The following HPSE2 variants were observed in gnomAD, a reference collection of about 807,000 sequenced individuals.
HPSE2 encodes the protein inactive heparanase-2.
HPSE2 carries 38 observed loss-of-function variants against 60.5 expected under a neutral mutation model. That is an observed-to-expected ratio of 0.63 (90% confidence interval 0.48 to 0.82). The LOEUF is 0.82. Ranked by LOEUF, HPSE2 falls within the 40% of genes least tolerant of loss-of-function variation. The pLI is 0.00. For synonymous variants in HPSE2, 295 were observed against 293.2 expected (o/e 1.01, Z -0.06); for missense variants, 713 against 740.4 (o/e 0.96, Z 0.43).
At chr10:98,896,665 T>C (rs903506949) in intron 3 of HPSE2, among the ~76,000 whole-genome samples, 12 of 151,856 alleles carry the variant, frequency 7.9e-5, no homozygotes, top group African/African-American at 2.7e-4. Context: ...ATGAATGAAA[T>C]TGAAATTAAG....
At chr10:98,642,868 T>C (rs188264078) in intron 6 of HPSE2, among the ~76,000 whole-genome samples, 1 of 152,370 alleles carries the variant, frequency 6.6e-6, no homozygotes, top group African/African-American at 2.4e-5. Flanking sequence ...CCTTGGTTGT[T>C]GGCTAATGAT....
chr10:98,769,267 C>T (rs1045733043), intron 3 of HPSE2, among the ~76,000 whole-genome samples: 2 of 152,012 alleles, frequency 1.3e-5, no homozygotes, highest in Non-Finnish European at 2.9e-5. Context: ...TGTTAGTGAC[C>T]ATAAAAAACA....
chr10:99,002,732 A>G (rs2135377765), intron 3 of HPSE2, among the ~76,000 whole-genome samples: 1 of 152,194 alleles, frequency 6.6e-6, no homozygotes, highest in East Asian at 1.9e-4. Flanking sequence ...GCTTTGGTTA[A>G]TTTTTTCAGA....
chr10:98,854,992 A>C (rs1952275600), intron 3 of HPSE2, among the ~76,000 whole-genome samples: 1 of 152,204 alleles, frequency 6.6e-6, no homozygotes, highest in Non-Finnish European at 1.5e-5. Context: ...CACCTTAATG[A>C]CAAGAAAATT....
chr10:98,740,168 C>A (rs1347285433), intron 4 of HPSE2, among the ~76,000 whole-genome samples: 3 of 116,586 alleles, frequency 2.6e-5, no homozygotes, highest in Admixed American at 1.2e-4. Context: ...TTTTGATTTT[C>A]TTTTCTTTTG....
chr10:98,566,000 C>T (rs1448418439), intron 9 of HPSE2, among the ~76,000 whole-genome samples: 1 of 152,108 alleles, frequency 6.6e-6, no homozygotes, highest in Non-Finnish European at 1.5e-5. Context: ...CAACATGCTC[C>T]CCTCCAGGCC....
At chr10:98,678,051 T>A (rs1947690508) in intron 6 of HPSE2, among the ~76,000 whole-genome samples, 1 of 152,196 alleles carries the variant, frequency 6.6e-6, no homozygotes, top group Non-Finnish European at 1.5e-5. Flanking sequence ...AGCTGCAGTA[T>A]ACCCACCATA....
chr10:98,809,632 A>G (rs955002913), intron 3 of HPSE2, among the ~76,000 whole-genome samples: 1 of 152,074 alleles, frequency 6.6e-6, no homozygotes, highest in African/African-American at 2.4e-5. Flanking sequence ...ATCATAGCTT[A>G]CTCTTTTTGC....
intron 3 of HPSE2, among the ~76,000 whole-genome samples, chr10:98,804,195 T>C (rs1051010166): frequency 1.3e-5 from 2 of 152,240 alleles, no homozygotes; most frequent in Admixed American, 1.3e-4. Context: ...TTTGCTGAAG[T>C]TGCTTATCAG....
intron 3 of HPSE2, among the ~76,000 whole-genome samples, chr10:98,797,298 T>C (rs1396882686): frequency 6.6e-6 from 1 of 151,948 alleles, no homozygotes; most frequent in African/African-American, 2.4e-5. Context: ...GAGCTCGAAA[T>C]AATGAAAAAG....
chr10:98,590,208 C>T lies in HPSE2; in HGVS notation c.1320+24696G>A, dbSNP rs561948357. Among the ~76,000 whole-genome samples, 65 of 152,232 alleles carry T rather than the reference C, an allele frequency of 4.3e-4. No individual in the cohort carries two copies. The East Asian group carries it at 9.3e-3, about 22-fold the overall frequency. ...CTGCAATCCCAGCACTTTGGGAGGC[C>T]GAGGCAGGTGGATCACGAGGTCAGG... On this transcript the variant is annotated intron_variant, in intron 9 of 11. Transcript: ENST00000370552.
chr10:98,942,879 C>T (rs1308245229), intron 3 of HPSE2, among the ~76,000 whole-genome samples: 1 of 151,832 alleles, frequency 6.6e-6, no homozygotes, highest in Non-Finnish European at 1.5e-5. Context: ...GGCACATATA[C>T]ACCATGGAAT....
At chr10:99,157,814 C>CA (rs1432774825) in intron 2 of HPSE2, among the ~76,000 whole-genome samples, 6 of 127,594 alleles carry the variant, frequency 4.7e-5, no homozygotes, top group Admixed American at 2.6e-4. Context: ...AGTGAACAGG[C>CA]AACCTACAAA....
At chr10:98,498,489 G>C (rs1941925055) in intron 9 of HPSE2, among the ~76,000 whole-genome samples, 1 of 152,108 alleles carries the variant, frequency 6.6e-6, no homozygotes, top group Admixed American at 6.5e-5. Context: ...AAAAGATTCT[G>C]AACAACAGCC....
chr10:99,188,303 G>A (rs769000248), intron 2 of HPSE2, among the ~76,000 whole-genome samples: 6 of 152,014 alleles, frequency 3.9e-5, no homozygotes, highest in South Asian at 2.1e-4. Context: ...ACTGTAAAGC[G>A]GCAAGAAGAA....
chr10:98,808,732 T>C (rs1004215826), intron 3 of HPSE2, among the ~76,000 whole-genome samples: 4 of 152,128 alleles, frequency 2.6e-5, no homozygotes, highest in Non-Finnish European at 4.4e-5. Context: ...CAAATACAGC[T>C]CACATTTCCC....
the HPSE2 span, among the ~76,000 whole-genome samples, chr10:99,310,432 C>T: frequency 6.6e-6 from 1 of 152,054 alleles, no homozygotes; most frequent in Non-Finnish European, 1.5e-5. Flanking sequence ...AAAGAAAAAC[C>T]TACAGTGTTC....
chr10:98,496,782 T>C (rs1941854138), intron 9 of HPSE2, among the ~76,000 whole-genome samples: 2 of 152,236 alleles, frequency 1.3e-5, no homozygotes, highest in African/African-American at 4.8e-5. Context: ...CTCTGTAACA[T>C]AGCTTTTAAT....
At chr10:98,600,911 G>GTATATATGTGTGTGTATA (rs576143051) in intron 9 of HPSE2, among the ~76,000 whole-genome samples, 4 of 73,724 alleles carry the variant, frequency 5.4e-5, no homozygotes, top group East Asian at 4.0e-4. Flanking sequence ...ATGTGTGTGT[G>GTATATATGTGTGTGTATA]TATATATATA....
Sources: gnomAD v4.1 joint callset for allele counts (sites outside exome capture counted in the v4.1 genomes callset) on GRCh38, gnomAD v4.1.1 for gene constraint, MANE v1.5 for transcripts, NCBI Gene and HGNC (gene_info 2026-07-23, HGNC 2026-07-21) for gene names.